ANKRD27: variants seen among roughly 807,000 people sequenced by gnomAD.
The protein encoded by ANKRD27 is ankyrin repeat domain 27.
In ANKRD27, 112 loss-of-function variants were observed where a neutral mutation model predicts 129.7. That is an observed-to-expected ratio of 0.86 (90% CI 0.74 to 1.01). The LOEUF (loss-of-function observed/expected upper bound fraction) is 1.01, where lower values mean the gene tolerates loss of function less well. Among genes scored for constraint, ANKRD27 ranks in the 50% least tolerant of loss-of-function variants. The pLI, the probability that ANKRD27 is intolerant of heterozygous loss-of-function variation, is 0.00. For synonymous variants in ANKRD27, 516 were observed against 511.2 expected (o/e 1.01, Z -0.13); for missense variants, 1,258 against 1,300.5 (o/e 0.97, Z 0.50).
chr19:32,649,569 C>T, intron 3 of ANKRD27, 113 bp downstream of exon 3: 2 of 780,728 alleles, frequency 2.6e-6, no homozygotes, highest in South Asian at 3.0e-5. Context: ...CAGTGTGTGT[C>T]AAATGCCACC....
chr19:32,656,594 C>T (rs1432499619), intron 2 of ANKRD27, among the ~76,000 whole-genome samples: 3 of 144,588 alleles, frequency 2.1e-5, no homozygotes, highest in Non-Finnish European at 4.7e-5. Context: ...CAAGAACAAC[C>T]TGGGCAACAT....
chr19:32,611,883 A>G (rs1403018810), intron 22 of ANKRD27, among the ~76,000 whole-genome samples: 1 of 152,020 alleles, frequency 6.6e-6, no homozygotes, highest in Non-Finnish European at 1.5e-5. Context: ...GCCCGGCCAA[A>G]TTCATTTTCT....
chr19:32,615,592 A>G, intron 22 of ANKRD27, 66 bp downstream of exon 22: 1 of 1,613,546 alleles, frequency 6.2e-7, no homozygotes, highest in Non-Finnish European at 8.5e-7. Context: ...TCAAAAAACA[A>G]AAACAAAAAC....
chr19:32,652,351 A>G (rs1471658044), intron 2 of ANKRD27, among the ~76,000 whole-genome samples: 1 of 152,134 alleles, frequency 6.6e-6, no homozygotes. Context: ...ACACTTTGGG[A>G]GGCTGAGGCA....
chr19:32,643,926 G>C (rs569415236), intron 5 of ANKRD27: 5 of 499,004 alleles, frequency 1.0e-5, no homozygotes, highest in Middle Eastern at 5.5e-4. Flanking sequence ...CCAGAGTAGA[G>C]TGCAGTGGTA....
chr19:32,661,220 TACAC>T (rs71176143), intron 1 of ANKRD27, among the ~76,000 whole-genome samples: 130 of 43,456 alleles, frequency 3.0e-3, no homozygotes, highest in Admixed American at 3.9e-3. Flanking sequence ...AAAAAAATTA[TACAC>T]ACACACACAC....
chr19:32,623,551 GT>G (rs575591637), intron 17 of ANKRD27, among the ~76,000 whole-genome samples: 19,187 of 135,570 alleles, frequency 0.14, 1,961 homozygotes, highest in African/African-American at 0.31. Flanking sequence ...GAGACCTGTT[GT>G]TTTTTTTTTT....
intron 2 of ANKRD27, among the ~76,000 whole-genome samples, chr19:32,656,059 A>AAAAGAAAGAAAAAG (rs1568417616): frequency 1.5e-5 from 1 of 65,884 alleles, no homozygotes; most frequent in African/African-American, 5.4e-5. Context: ...GAAAAGAAAG[A>AAAAGAAAGAAAAAG]AAAGAAAGAA....
At chr19:32,610,142 T>C (rs1053113477) in intron 22 of ANKRD27, among the ~76,000 whole-genome samples, 1 of 152,076 alleles carries the variant, frequency 6.6e-6, no homozygotes, top group Non-Finnish European at 1.5e-5. Flanking sequence ...AAACTCCGTC[T>C]CTACTAAAAA....
intron 18 of ANKRD27, among the ~76,000 whole-genome samples, chr19:32,619,858 G>A (rs1322492667): frequency 6.6e-6 from 1 of 152,128 alleles, no homozygotes; most frequent in Admixed American, 6.5e-5. Flanking sequence ...GACCCGCATG[G>A]AGCCTGAAAG....
At chr19:32,649,887 A>G (rs1967378501) in intron 2 of ANKRD27, 95 bp from the exon 3 acceptor site, 2 of 813,688 alleles carry the variant, frequency 2.5e-6, no homozygotes. Context: ...CTGGACACAC[A>G]GCGGGACCTG....
chr19:32,600,611 A>C (rs1971637700), intron 26 of ANKRD27, among the ~76,000 whole-genome samples: 1 of 152,194 alleles, frequency 6.6e-6, no homozygotes, highest in African/African-American at 2.4e-5. Context: ...TGATTTCCTG[A>C]TTTGGATCCT....
At chr19:32,658,447 T>C (rs914287782) in intron 2 of ANKRD27, among the ~76,000 whole-genome samples, 2 of 152,336 alleles carry the variant, frequency 1.3e-5, no homozygotes, top group African/African-American at 2.4e-5. Context: ...TCTTTCATCA[T>C]GGTGCTTTCC....
At chr19:32,638,758 A>C (rs1387919592) in intron 12 of ANKRD27, 1 of 154,938 alleles carries the variant, frequency 6.5e-6, no homozygotes, top group Non-Finnish European at 1.4e-5. Context: ...GACCCTGTAC[A>C]AGCAACTTGG....
chr19:32,663,764 A>T (rs931954588), intron 1 of ANKRD27, among the ~76,000 whole-genome samples: 3 of 152,044 alleles, frequency 2.0e-5, no homozygotes, highest in African/African-American at 7.3e-5. Context: ...CACATTAAAA[A>T]AGAAATAGGG....
In ANKRD27 at chr19:32,633,107, G is replaced by A. The variant is rs12459618; in HGVS notation, c.1117-1613C>T. Among the ~76,000 whole-genome samples, 2,641 of 152,204 alleles carry A rather than the reference G, an allele frequency of 0.017. 138 individuals are homozygous for A. The East Asian group carries it at 0.21, about 12-fold the overall frequency. On this transcript the variant is annotated intron_variant, in intron 12 of 28. Coordinates refer to ENST00000306065, the MANE Select transcript of ANKRD27 (RefSeq NM_032139.3). ...TCCGGGTAAATCCAGCACTCTTTCC[G>A]CAACTCTGGTTAACGATTTAGACAG...
At chr19:32,657,135 T>A (rs259248) in intron 2 of ANKRD27, among the ~76,000 whole-genome samples, 1 of 151,820 alleles carries the variant, frequency 6.6e-6, no homozygotes, top group Admixed American at 6.6e-5. Flanking sequence ...CAAGACCAGC[T>A]GGGACAACAC....
At chr19:32,618,768 G>A (rs36107586) in intron 20 of ANKRD27, among the ~76,000 whole-genome samples, 67,996 of 151,934 alleles carry the variant, frequency 0.45, 16,813 homozygotes, top group Non-Finnish European at 0.57. Context: ...AGATCTGGCC[G>A]GGCATGGTGG....
In ANKRD27 at chr19:32,642,006, C is replaced by A; in HGVS notation, c.904+18G>T. On this transcript the variant is annotated intron_variant, in intron 10 of 28. Coordinates refer to ENST00000306065, the MANE Select transcript of ANKRD27 (RefSeq NM_032139.3). Reference sequence around the variant, plus strand: ...TGTAGCATCTACCCCTTGGCCAGTCCCCTTTCCAAGCACAAACCTCTCTGG... The same window carrying A: ...TGTAGCATCTACCCCTTGGCCAGTCACCTTTCCAAGCACAAACCTCTCTGG... 1 of 1,561,606 alleles carries A rather than the reference C, an allele frequency of 6.4e-7. No individual in the cohort carries two copies. Among genetic ancestry groups the A allele is most frequent in the Non-Finnish European group, 8.7e-7 (1 of 1,149,188 alleles).
Sources: allele counts gnomAD v4.1 joint callset (sites outside exome capture counted in the v4.1 genomes callset), GRCh38; gene constraint gnomAD v4.1.1; transcripts MANE v1.5; gene names NCBI Gene and HGNC (gene_info 2026-07-23, HGNC 2026-07-21).